The following EPC1 variants were observed in gnomAD, a reference collection of about 807,000 sequenced individuals.
EPC1 encodes the protein enhancer of polycomb 1.
EPC1 carries 12 observed loss-of-function variants against 98.4 expected under a neutral mutation model. The ratio of observed to expected loss-of-function variants is 0.12; its 90% CI spans 0.08 to 0.20. EPC1 has a LOEUF of 0.20. EPC1 is among the 10% of genes least tolerant of loss of function. The pLI is 1.00. For missense variants in EPC1, 729 were observed against 990.5 expected (o/e 0.74, Z 3.54); for synonymous variants, 357 against 363.9 (o/e 0.98, Z 0.21).
Position 32,342,968 on chromosome 10 carries a change from C to T in EPC1, c.153+3795G>A, listed in dbSNP as rs527357058. ...TTAACCTTTCAATAGAATGCGAAGCCGTAGCACAAGATTTAAGATTATAAA... is the reference window on the plus strand; with the variant it reads ...TTAACCTTTCAATAGAATGCGAAGCTGTAGCACAAGATTTAAGATTATAAA... On this transcript the variant is annotated intron_variant, in intron 1 of 13. Coordinates refer to ENST00000319778, the MANE Select transcript of EPC1 (RefSeq NM_001272004.3). 3.3e-5 allele frequency among the ~76,000 whole-genome samples: 5 copies of T among 152,160 alleles called. No individual in the cohort carries two copies. The South Asian group carries it at 6.2e-4, about 19-fold the overall frequency.
chr10:32,288,312 CT>C (rs5784278), intron 6 of EPC1, among the ~76,000 whole-genome samples: 13,596 of 123,774 alleles, frequency 0.11, 466 homozygotes, highest in African/African-American at 0.18. Flanking sequence ...TTACTTTTTT[CT>C]TTTTTTTTTT....
At chr10:32,333,152 C>T (rs1174550670) in intron 1 of EPC1, among the ~76,000 whole-genome samples, 3 of 152,132 alleles carry the variant, frequency 2.0e-5, no homozygotes, top group African/African-American at 4.8e-5. Flanking sequence ...ACCATCCTGG[C>T]TAACATGGCG....
chr10:32,350,056 T>A (rs942208505), upstream of EPC1, among the ~76,000 whole-genome samples: 9 of 152,254 alleles, frequency 5.9e-5, no homozygotes, highest in African/African-American at 2.2e-4. Flanking sequence ...AAAATTCTTT[T>A]CTGTTCTCAA....
intron 1 of EPC1, among the ~76,000 whole-genome samples, chr10:32,306,581 T>G (rs1427230392): frequency 6.6e-6 from 1 of 152,206 alleles, no homozygotes; most frequent in Non-Finnish European, 1.5e-5. Flanking sequence ...TGAAACAGTT[T>G]GTGACTCCCG....
At chr10:32,349,536 A>T (rs1023445893), upstream of EPC1, among the ~76,000 whole-genome samples, 9 of 152,084 alleles carry the variant, frequency 5.9e-5, no homozygotes, top group African/African-American at 2.2e-4. Flanking sequence ...GTTCCCAAGG[A>T]CTCAAAGGCT....
At chr10:32,293,405 GA>G (rs1209426245) in intron 3 of EPC1, among the ~76,000 whole-genome samples, 186 bp downstream of exon 3, 1 of 148,590 alleles carries the variant, frequency 6.7e-6, no homozygotes, top group Non-Finnish European at 1.5e-5. Flanking sequence ...CCAAGGCACA[GA>G]AAAATTTAAA....
In EPC1 at chr10:32,323,272, T is replaced by C. The variant is rs2132921441; in HGVS notation, c.154-17341A>G. Among the ~76,000 whole-genome samples the C allele has an allele frequency of 2.6e-5, 4 of 152,272 alleles. 1 individual carries two copies. The Middle Eastern group carries it at 0.01, about 388-fold the overall frequency. On this transcript the variant is annotated intron_variant, in intron 1 of 13. Transcript: ENST00000319778. ...AACCACAAAATCCCCCCCAGTGTAA[T>C]TTCTGATATTTGTAATAGAAGTAGT...
intron 10 of EPC1, among the ~76,000 whole-genome samples, chr10:32,275,674 C>A (rs1402689735): frequency 6.6e-6 from 1 of 151,462 alleles, no homozygotes; most frequent in Non-Finnish European, 1.5e-5. Context: ...AGTTGGGAGG[C>A]TGAGGCAGGA....
At chr10:32,309,131 G>T (rs1029110779) in intron 1 of EPC1, among the ~76,000 whole-genome samples, 2 of 152,158 alleles carry the variant, frequency 1.3e-5, no homozygotes, top group African/African-American at 4.8e-5. Flanking sequence ...AGGGTACTGG[G>T]GAGGGGTAGA....
At chr10:32,289,631 T>C (rs1306191383) in intron 6 of EPC1, among the ~76,000 whole-genome samples, 1 of 151,812 alleles carries the variant, frequency 6.6e-6, no homozygotes, top group Non-Finnish European at 1.5e-5. Flanking sequence ...ATGAAATTTT[T>C]TTTTTTTTTT....
chr10:32,316,654 A>G (rs1836567841), intron 1 of EPC1, among the ~76,000 whole-genome samples: 1 of 152,236 alleles, frequency 6.6e-6, no homozygotes, highest in Admixed American at 6.5e-5. Flanking sequence ...TGGGAAGTGG[A>G]GGCAGGGACC....
intron 10 of EPC1, among the ~76,000 whole-genome samples, chr10:32,280,024 G>A (rs1240515184): frequency 6.6e-6 from 1 of 152,108 alleles, no homozygotes; most frequent in Non-Finnish European, 1.5e-5. Flanking sequence ...GTATTAGGAA[G>A]CCTGATACCA....
rs114817035 is a variant in EPC1 at position 32,344,018 on chromosome 10, G to C, written c.153+2745C>G. Among the ~76,000 whole-genome samples the C allele has an allele frequency of 2.9e-3, 437 of 152,250 alleles. 1 individual carries two copies. The highest frequency in any genetic ancestry group is 0.01 in the African/African-American group (417 of 41,532). ...TTTTTTTCTAAGACAGTCAGTTCAG[G>C]TTCTAGGTTACAGTGACCTAATAAG... On this transcript the variant is annotated intron_variant, in intron 1 of 13. Coordinates refer to ENST00000319778, the MANE Select transcript of EPC1 (RefSeq NM_001272004.3).
At chr10:32,359,334 G>C (rs991969983) in intron 1 of EPC1, among the ~76,000 whole-genome samples, 1 of 152,194 alleles carries the variant, frequency 6.6e-6, no homozygotes, top group South Asian at 2.1e-4. Context: ...GCAGGTACTA[G>C]AATTGAGCAG....
intron 2 of EPC1, among the ~76,000 whole-genome samples, chr10:32,294,693 C>T (rs989606196): frequency 6.6e-6 from 1 of 152,120 alleles, no homozygotes; most frequent in Non-Finnish European, 1.5e-5. Flanking sequence ...TAATTACTTA[C>T]CAAAATTAAG....
At chr10:32,308,823 A>G (rs1420232342) in intron 1 of EPC1, among the ~76,000 whole-genome samples, 1 of 152,240 alleles carries the variant, frequency 6.6e-6, no homozygotes, top group Non-Finnish European at 1.5e-5. Flanking sequence ...TCAAAGAGGT[A>G]TCTGCACTCT....
intron 1 of EPC1, among the ~76,000 whole-genome samples, chr10:32,339,855 TAA>T (rs1159107391): frequency 1.3e-5 from 2 of 152,214 alleles, no homozygotes; most frequent in African/African-American, 4.8e-5. Flanking sequence ...TCAGTGACGT[TAA>T]GTGACTTGTC....
chr10:32,311,041 T>C (rs1836183680), intron 1 of EPC1, among the ~76,000 whole-genome samples: 2 of 152,162 alleles, frequency 1.3e-5, no homozygotes, highest in Admixed American at 1.3e-4. Context: ...CTGGGCACGG[T>C]GGCTCACGCC....
chr10:32,271,435 C>A, intron 13 of EPC1, 119 bp downstream of exon 13: 1 of 1,141,432 alleles, frequency 8.8e-7, no homozygotes, highest in Non-Finnish European at 1.2e-6. Flanking sequence ...CTCAACTATA[C>A]ATTTTCAATG....
Sources: gnomAD v4.1 joint callset for allele counts (sites outside exome capture counted in the v4.1 genomes callset) on GRCh38, gnomAD v4.1.1 for gene constraint, MANE v1.5 for transcripts, NCBI Gene and HGNC (gene_info 2026-07-23, HGNC 2026-07-21) for gene names.